The following ITGA6 variants were observed in gnomAD, a reference collection of about 807,000 sequenced individuals.
ITGA6 encodes integrin alpha-6.
In ITGA6, 63 loss-of-function variants were observed where a neutral mutation model predicts 133.6. The ratio of observed to expected loss-of-function variants is 0.47; its 90% CI spans 0.38 to 0.58. ITGA6 has a LOEUF of 0.58. Among genes scored for constraint, ITGA6 ranks in the 20% least tolerant of loss-of-function variants. The probability of loss-of-function intolerance (pLI) is 0.00; values close to 1 mark genes in which losing one functional copy is unlikely to be tolerated. For missense variants in ITGA6, 1,068 were observed against 1,309.4 expected, an observed-to-expected ratio of 0.82 and a Z score of 2.85; for synonymous variants, 434 against 482.0, an observed-to-expected ratio of 0.90 and a Z score of 1.30.
At chr2:172,492,084 T>C (rs114052199) in intron 23 of ITGA6, among the ~76,000 whole-genome samples, 3,606 of 152,282 alleles carry the variant, frequency 0.024, 146 homozygotes, top group African/African-American at 0.082. Context: ...ATGCGTCACA[T>C]TGGGCACAGC....
At chr2:172,501,485 G>A (rs1444997728) in intron 24 of ITGA6, among the ~76,000 whole-genome samples, 2 of 152,128 alleles carry the variant, frequency 1.3e-5, no homozygotes, top group Non-Finnish European at 1.5e-5. Flanking sequence ...ATGTATATAC[G>A]TTTTCCCTAT....
chr2:172,438,645 G>C (rs758918708), intron 1 of ITGA6, among the ~76,000 whole-genome samples: 20 of 151,846 alleles, frequency 1.3e-4, no homozygotes, highest in Non-Finnish European at 2.5e-4. Flanking sequence ...TGAGGATAAA[G>C]CACTTAGCAG....
In ITGA6 at chr2:172,488,144, G is replaced by A; in HGVS notation, c.2421G>A (p.Gln807=). ...TTGACAGAGTTGCTAAACCTTCCCA[G>A]GTGTATTTTGGAGGTACAGTTGTTG... is the stretch of plus-strand genomic sequence containing the variant. ...LSVSGVAKPS[Q]VYFGGTVVGE... The change falls in exon 19 of 26, where the codon CAG becomes CAA. Residue 807 remains glutamine (Q), a synonymous_variant. Coordinates refer to ENST00000684293, the MANE Select transcript of ITGA6 (RefSeq NM_000210.4). The A allele has an allele frequency of 6.2e-7, 1 of 1,613,982 alleles. No homozygotes were observed. The highest frequency in any genetic ancestry group is 8.5e-7 in the Non-Finnish European group (1 of 1,179,928).
Position 172,487,163 on chromosome 2 carries a change from C to T in ITGA6, c.1970+25C>T, listed in dbSNP as rs747182920. Reference sequence around the variant, plus strand: ...TGTAAGAATCGTTGTGTAGCACTAGCAAAAATGATTCTGGCTTCATGGTGG... The same window carrying T: ...TGTAAGAATCGTTGTGTAGCACTAGTAAAAATGATTCTGGCTTCATGGTGG... On this transcript the variant is annotated intron_variant, in intron 14 of 25. Coordinates refer to ENST00000684293, the MANE Select transcript of ITGA6 (RefSeq NM_000210.4). The T allele has an allele frequency of 2.0e-6, 3 of 1,525,346 alleles. No individual in the cohort carries two copies. The East Asian group carries it at 6.8e-5, about 34-fold the overall frequency. The allele number at this position is 1,525,346 out of a possible 1,614,324, so 94.5% of individuals were successfully genotyped here.
chr2:172,491,268 G>A lies in ITGA6; in HGVS notation c.2826G>A (p.Arg942=), dbSNP rs759746807. The change falls in exon 22 of 26, where the codon CGG becomes CGA. Residue 942 remains arginine, a synonymous_variant. Coordinates refer to ENST00000684293, the MANE Select transcript of ITGA6 (RefSeq NM_000210.4). The surrounding 1 kb of genome is among the most constrained non-coding windows in gnomAD (Gnocchi z 4.4). ...GTGTGAACATCAGATGCCCGCTGCG[G>A]GGGCTGGACAGCAAGGCGTCTCTTA... ...VNCVNIRCPL[R]GLDSKASLIL... The A allele has an allele frequency of 6.2e-7, 1 of 1,613,078 alleles. No homozygotes were observed. Among genetic ancestry groups the A allele is most frequent in the Non-Finnish European group, 8.5e-7 (1 of 1,179,048 alleles).
At chr2:172,448,417 G>C (rs901197707) in intron 1 of ITGA6, among the ~76,000 whole-genome samples, 1 of 152,076 alleles carries the variant, frequency 6.6e-6, no homozygotes, top group African/African-American at 2.4e-5. Flanking sequence ...GTGTGACCTT[G>C]GACAAGTTAC....
At chr2:172,467,738 A>G (rs969263541) in intron 3 of ITGA6, among the ~76,000 whole-genome samples, 178 bp downstream of exon 3, 6 of 152,156 alleles carry the variant, frequency 3.9e-5, no homozygotes, top group Admixed American at 2.6e-4. Flanking sequence ...TGTAATCTCA[A>G]TACTTTGTGA....
At chr2:172,485,721 T>C (rs529341903) in intron 13 of ITGA6, among the ~76,000 whole-genome samples, 1 of 152,206 alleles carries the variant, frequency 6.6e-6, no homozygotes, top group Non-Finnish European at 1.5e-5. Flanking sequence ...GTGCCTAATA[T>C]AGCCTAAGTC....
intron 7 of ITGA6, 61 bp downstream of exon 7, chr2:172,475,183 C>A: frequency 2.6e-6 from 3 of 1,141,724 alleles, no homozygotes; most frequent in Non-Finnish European, 4.0e-6. Flanking sequence ...TAAATAATAG[C>A]GCTGCTGGGC....
At chr2:172,473,661 A>G (rs1686040421) in intron 5 of ITGA6, among the ~76,000 whole-genome samples, 1 of 152,248 alleles carries the variant, frequency 6.6e-6, no homozygotes. Context: ...CAGTCAGGTT[A>G]TATATTCTCT....
Position 172,504,278 on chromosome 2 carries a change from A to G in ITGA6, c.*210A>G. ...CGGGGGCCTAAAAAAAAAAAGCTTC[A>G]CAGTACCCAAACTGCTTTTTCCAAC... On this transcript the variant is annotated 3_prime_UTR_variant, in exon 26 of 26. Coordinates refer to ENST00000684293, the MANE Select transcript of ITGA6 (RefSeq NM_000210.4). 6.6e-7 allele frequency: 1 copy of G among 1,512,612 alleles called. No homozygotes were observed. The highest frequency in any genetic ancestry group is 8.9e-7 in the Non-Finnish European group (1 of 1,128,872). The allele number at this position is 1,512,612 out of a possible 1,614,324, so 93.7% of individuals were successfully genotyped here.
rs1687361641 is a variant in ITGA6, at chr2:172,501,894, T to G, written c.*15T>G. ...CTGATGCATAGTATTGATCTACTTC[T>G]GTAATTGGTAATTGATCAATGTTTT... On this transcript the variant is annotated 3_prime_UTR_variant, in exon 25 of 26. Coordinates refer to ENST00000684293, the MANE Select transcript of ITGA6 (RefSeq NM_000210.4). The G allele has an allele frequency of 6.2e-7, 1 of 1,611,546 alleles. No individual in the cohort carries two copies. Among genetic ancestry groups the G allele is most frequent in the African/African-American group, 1.3e-5 (1 of 75,026 alleles).
chr2:172,443,355 G>A (rs1360379769), intron 1 of ITGA6, among the ~76,000 whole-genome samples: 1 of 151,974 alleles, frequency 6.6e-6, no homozygotes, highest in Non-Finnish European at 1.5e-5. Flanking sequence ...CTAATCCTTC[G>A]CCGTTAAAAG....
rs918959143 is a variant in ITGA6 at position 172,465,630 on chromosome 2, G to A, written c.274G>A (p.Gly92Arg). ...GTACAGCTGCGACATCACCGCCCGG[G>A]GGCCATGCACGCGGATCGAGTTTGA... ...GLYSCDITAR[G>R]PCTRIEFDND... Residue 92 changes from glycine (G) to arginine (R), a missense_variant, in exon 2 of 26, where the codon GGG becomes AGG. Around this residue, in one of 3 missense-constraint regions of ITGA6, gnomAD observed 142 missense variants for 145.3 expected, o/e 0.98. Transcript: ENST00000684293. 9.9e-6 allele frequency: 16 copies of A among 1,614,098 alleles called. No individual in the cohort carries two copies. Among genetic ancestry groups the A allele is most frequent in the Non-Finnish European group, 1.2e-5 (14 of 1,180,042 alleles).
intron 23 of ITGA6, among the ~76,000 whole-genome samples, chr2:172,494,352 A>G (rs1239406525): frequency 6.6e-6 from 1 of 152,102 alleles, no homozygotes; most frequent in Non-Finnish European, 1.5e-5. Context: ...ACAAAAAAAT[A>G]CAGAAATTAG....
chr2:172,464,744 A>G (rs925580913), intron 1 of ITGA6, among the ~76,000 whole-genome samples: 2 of 152,214 alleles, frequency 1.3e-5, no homozygotes, highest in South Asian at 2.1e-4. Context: ...GGAATATTAC[A>G]GTGCCTAGTA....
rs530504236 is a variant in ITGA6, at chr2:172,445,651, T to TAAA, written c.182+17681_182+17682insAAA. ...GCGACAGAGTGAGACTCCGTCTTTT[T>TAAA]TAAAAAAAAAAAAAAGAAAAAAAAA... is the stretch of plus-strand genomic sequence containing the variant. On this transcript the variant is annotated intron_variant, in intron 1 of 25. Transcript: ENST00000684293. 1.5e-4 allele frequency among the ~76,000 whole-genome samples: 22 copies of TAAA among 145,700 alleles called. 1 individual carries two copies. Among genetic ancestry groups the TAAA allele is most frequent in the East Asian group, 9.0e-4 (4 of 4,452 alleles).
intron 2 of ITGA6, chr2:172,465,984 A>G (rs1685654366): frequency 2.3e-6 from 1 of 427,684 alleles, no homozygotes; most frequent in African/African-American, 2.0e-5. Flanking sequence ...AGAATGAATG[A>G]GCGTATCTTG....
chr2:172,492,871 G>A (rs2149084924), intron 23 of ITGA6, among the ~76,000 whole-genome samples: 1 of 152,242 alleles, frequency 6.6e-6, no homozygotes, highest in East Asian at 1.9e-4. Context: ...AAATATAGCA[G>A]TCCTTACGAT....
Sources: allele counts gnomAD v4.1 joint callset (sites outside exome capture counted in the v4.1 genomes callset), GRCh38; gene constraint gnomAD v4.1.1; regional missense constraint gnomAD v4.1.1; non-coding constraint Gnocchi (gnomAD v3.1); transcripts MANE v1.5; gene names NCBI Gene and HGNC (gene_info 2026-07-23, HGNC 2026-07-21).